RAB11B: variants seen among roughly 807,000 people sequenced by gnomAD.
RAB11B encodes RAB11B, member RAS oncogene family, also known as ras-related protein Rab-11B.
In RAB11B, 7 loss-of-function variants were observed where a neutral mutation model predicts 23.7. The observed-to-expected ratio is 0.29, with a 90% CI of 0.17 to 0.55. The LOEUF is 0.55. RAB11B is among the 20% of genes least tolerant of loss of function. RAB11B has a pLI of 0.93. For missense variants in RAB11B, 189 were observed against 320.0 expected, an observed-to-expected ratio of 0.59 and a Z score of 3.12; for synonymous variants, 138 against 132.0, an observed-to-expected ratio of 1.05 and a Z score of -0.31.
chr19:8,401,959 C>A, intron 2 of RAB11B, 127 bp from the exon 3 acceptor site: 1 of 925,982 alleles, frequency 1.1e-6, no homozygotes, highest in Non-Finnish European at 1.6e-6. Context: ...CCCTTGAGGC[C>A]ACAATGACTG....
rs59325272 is a variant in RAB11B at position 8,396,709 on chromosome 19, CG to C, written c.41-3144del. ...CCTGTGTGGCTGGAGCAGAGTGAGC[CG>C]GGGGGGGGGCGGGAGGGAGGAGGGG... On this transcript the variant is annotated intron_variant, in intron 1 of 4. Coordinates refer to ENST00000328024, the MANE Select transcript of RAB11B (RefSeq NM_004218.4). This position sits in a 1 kb window ranked among gnomAD's most constrained non-coding sequence, Gnocchi z 5.0. Among the ~76,000 whole-genome samples, 5,476 of 30,144 alleles carry C rather than the reference CG, an allele frequency of 0.18. 156 individuals are homozygous for C. Among genetic ancestry groups the C allele is most frequent in the Non-Finnish European group, 0.26 (3,800 of 14,706 alleles). 19.8% of individuals were successfully genotyped at this position (30,144 alleles called of 152,430 possible).
At chr19:8,401,401 TAG>T (rs1377021228) in intron 2 of RAB11B, among the ~76,000 whole-genome samples, 1 of 147,226 alleles carries the variant, frequency 6.8e-6, no homozygotes, top group Non-Finnish European at 1.5e-5. Context: ...TTTTTTGAGA[TAG>T]AGTCTCACTC....
intron 2 of RAB11B, 168 bp downstream of exon 2, chr19:8,400,226 AG>A: frequency 1.2e-6 from 1 of 838,152 alleles, no homozygotes; most frequent in Non-Finnish European, 1.8e-6. Context: ...TGGGACCCTC[AG>A]GCTGACCAGC....
In RAB11B at chr19:8,393,986, T is replaced by A. The variant is rs563511791; in HGVS notation, c.40+3530T>A. Among the ~76,000 whole-genome samples, 4 of 152,316 alleles carry A rather than the reference T, an allele frequency of 2.6e-5. No homozygotes were observed. In the East Asian group the frequency reaches 5.8e-4, roughly 22 times the overall value. On this transcript the variant is annotated intron_variant, in intron 1 of 4. Transcript: ENST00000328024. ...TTCCCAGCCAGTGAAGCCACCAACTTCTGTGGAAATGCTCGGAGCTGTGTC... is the reference window on the plus strand; with the variant it reads ...TTCCCAGCCAGTGAAGCCACCAACTACTGTGGAAATGCTCGGAGCTGTGTC...
chr19:8,395,948 C>A (rs1280289413), intron 1 of RAB11B, among the ~76,000 whole-genome samples: 1 of 152,168 alleles, frequency 6.6e-6, no homozygotes, highest in Non-Finnish European at 1.5e-5. Context: ...GGCGGTGGCT[C>A]CAGACAAGTC....
Position 8,399,854 on chromosome 19 carries a change from C to T in RAB11B, c.41-9C>T, listed in dbSNP as rs1971424125. The T allele has an allele frequency of 3.1e-6, 5 of 1,609,502 alleles. No homozygotes were observed. The East Asian group carries it at 8.9e-5, about 29-fold the overall frequency. Reference sequence around the variant, plus strand: ...GTGGGGATTCACAGAACCTCGCCTTCCCGCCCAGTGGTGCTCATCGGGGAC... The same window carrying T: ...GTGGGGATTCACAGAACCTCGCCTTTCCGCCCAGTGGTGCTCATCGGGGAC... On this transcript the variant is annotated splice_polypyrimidine_tract_variant and intron_variant, in intron 1 of 4. Transcript: ENST00000328024.
chr19:8,394,242 G>C (rs1367812505), intron 1 of RAB11B, among the ~76,000 whole-genome samples: 2 of 152,128 alleles, frequency 1.3e-5, no homozygotes, highest in African/African-American at 4.8e-5. Flanking sequence ...TGCAACCTCC[G>C]CCTCCTGGGT....
chr19:8,392,543 C>T (rs1369245458), intron 1 of RAB11B, among the ~76,000 whole-genome samples: 1 of 152,148 alleles, frequency 6.6e-6, no homozygotes, highest in Non-Finnish European at 1.5e-5. Flanking sequence ...TGCTGACCTT[C>T]TCAAGCTAGT....
intron 2 of RAB11B, 131 bp downstream of exon 2, chr19:8,400,189 C>A: frequency 8.6e-7 from 1 of 1,162,508 alleles, no homozygotes; most frequent in Non-Finnish European, 1.2e-6. Context: ...GGGAGTGAGG[C>A]TGGAAGAACG....
chr19:8,402,022 C>T, intron 2 of RAB11B, 64 bp from the exon 3 acceptor site: 1 of 1,474,538 alleles, frequency 6.8e-7, no homozygotes, highest in Non-Finnish European at 9.1e-7. Flanking sequence ...GTGCTGTTAT[C>T]CCGTGAGGCT....
chr19:8,393,122 C>T (rs1412245958), intron 1 of RAB11B, among the ~76,000 whole-genome samples: 5 of 152,168 alleles, frequency 3.3e-5, no homozygotes, highest in Non-Finnish European at 7.4e-5. Flanking sequence ...TTCCTTCCCC[C>T]AGGAATGACA....
intron 1 of RAB11B, among the ~76,000 whole-genome samples, chr19:8,393,433 C>G (rs1003374128): frequency 1.3e-5 from 2 of 152,226 alleles, no homozygotes; most frequent in African/African-American, 4.8e-5. Context: ...TTGTCCACCC[C>G]TCCCCTGCCC....
At chr19:8,399,419 G>A (rs771117942) in intron 1 of RAB11B, among the ~76,000 whole-genome samples, 5 of 152,166 alleles carry the variant, frequency 3.3e-5, no homozygotes, top group Non-Finnish European at 7.3e-5. Flanking sequence ...TCCTGTGACT[G>A]CCTTCCTGTT....
At chr19:8,399,839 A>T in intron 1 of RAB11B, 24 bp from the exon 2 acceptor site, 1 of 1,606,282 alleles carries the variant, frequency 6.2e-7, no homozygotes, top group Middle Eastern at 1.7e-4. Flanking sequence ...GTGGGGATTC[A>T]CAGAACCTCG....
At chr19:8,400,647 C>G (rs917688225) in intron 2 of RAB11B, among the ~76,000 whole-genome samples, 1 of 151,618 alleles carries the variant, frequency 6.6e-6, no homozygotes, top group African/African-American at 2.4e-5. Flanking sequence ...AGTGCGATGG[C>G]ACGATCTCGG....
chr19:8,402,377 TGAG>T, intron 3 of RAB11B, 98 bp downstream of exon 3: 2 of 1,540,426 alleles, frequency 1.3e-6, no homozygotes, highest in African/African-American at 1.4e-5. Flanking sequence ...TTCCCTTCCC[TGAG>T]GAGTGGCCTT....
chr19:8,400,173 A>C, intron 2 of RAB11B, 115 bp downstream of exon 2: 1 of 1,237,548 alleles, frequency 8.1e-7, no homozygotes, highest in Non-Finnish European at 1.1e-6. Context: ...TGTGCTCCCA[A>C]GACCAGGGAG....
At chr19:8,393,031 T>A (rs1440742036) in intron 1 of RAB11B, among the ~76,000 whole-genome samples, 1 of 148,900 alleles carries the variant, frequency 6.7e-6, no homozygotes, top group Non-Finnish European at 1.5e-5. Context: ...ACGCACTGGC[T>A]CCCTTGACTT....
At chr19:8,399,574 TGCCTGGCTGCCTGGGTCCCCTTGCCCCA>T (rs1971422229) in intron 1 of RAB11B, among the ~76,000 whole-genome samples, 2 of 152,246 alleles carry the variant, frequency 1.3e-5, no homozygotes, top group Non-Finnish European at 2.9e-5. Flanking sequence ...CTGCTCTGCC[TGCCTGGCTGCCTGGGTCCCCTTGCCCCA>T]GCTGGGACAG....
Sources: allele counts gnomAD v4.1 joint callset (sites outside exome capture counted in the v4.1 genomes callset), GRCh38; gene constraint gnomAD v4.1.1; non-coding constraint Gnocchi (gnomAD v3.1); transcripts MANE v1.5; gene names NCBI Gene and HGNC (gene_info 2026-07-23, HGNC 2026-07-21).